GRM7: variants seen among roughly 807,000 people sequenced by gnomAD.
The protein encoded by GRM7 is glutamate metabotropic receptor 7.
GRM7 carries 35 observed loss-of-function variants against 84.5 expected under a neutral mutation model. The observed-to-expected ratio is 0.41, with a 90% confidence interval of 0.32 to 0.55. GRM7 has a LOEUF of 0.55. GRM7 is among the 20% of genes least tolerant of loss of function. GRM7 has a pLI of 0.19. For synonymous variants in GRM7, 487 were observed against 455.1 expected (o/e 1.07, Z -0.89); for missense variants, 1,003 against 1,194.6 (o/e 0.84, Z 2.36).
chr3:7,700,946 A>C (rs891063026), intron 9 of GRM7, among the ~76,000 whole-genome samples: 1 of 152,232 alleles, frequency 6.6e-6, no homozygotes, highest in African/African-American at 2.4e-5. Context: ...TTTCTTCTTC[A>C]AGACAGTTGT....
intron 8 of GRM7, among the ~76,000 whole-genome samples, chr3:7,623,745 T>C (rs1697475394): frequency 1.3e-5 from 2 of 152,154 alleles, no homozygotes; most frequent in Admixed American, 1.3e-4. Flanking sequence ...CATAATCAGA[T>C]GTGCACTAGT....
At chr3:7,531,318 C>G (rs1242831004) in intron 7 of GRM7, among the ~76,000 whole-genome samples, 1 of 152,076 alleles carries the variant, frequency 6.6e-6, no homozygotes, top group African/African-American at 2.4e-5. Flanking sequence ...TGTTTTGGTA[C>G]CAGTACCATG....
chr3:7,291,354 T>C (rs1699613391), intron 2 of GRM7, among the ~76,000 whole-genome samples: 1 of 152,164 alleles, frequency 6.6e-6, no homozygotes, highest in Non-Finnish European at 1.5e-5. Flanking sequence ...CATCAGGGAC[T>C]CTGGTTCTCT....
chr3:7,170,442 C>T (rs544583574), intron 2 of GRM7, among the ~76,000 whole-genome samples: 4 of 152,260 alleles, frequency 2.6e-5, no homozygotes, highest in African/African-American at 9.6e-5. Context: ...ATTGATGCCA[C>T]TTCTTAGGAT....
Position 7,432,957 on chromosome 3 carries a change from C to A in GRM7, c.1174+17794C>A, listed in dbSNP as rs78770456. On this transcript the variant is annotated intron_variant, in intron 5 of 9. Coordinates refer to ENST00000357716, the MANE Select transcript of GRM7 (RefSeq NM_000844.4). ...GAATGGAAAAGAAGGAATTTATAAA[C>A]AGATAATGACTGAAGAATTTTCACA... Among the ~76,000 whole-genome samples, 632 of 152,110 alleles carry A rather than the reference C, an allele frequency of 4.2e-3. 3 individuals are homozygous for A. Among genetic ancestry groups the A allele is most frequent in the South Asian group, 7.3e-3 (35 of 4,818 alleles).
chr3:7,276,097 T>G (rs7622599), intron 2 of GRM7, among the ~76,000 whole-genome samples: 4,354 of 152,164 alleles, frequency 0.029, 201 homozygotes, highest in African/African-American at 0.098. Flanking sequence ...CTGTTGGTAT[T>G]TCATTATTCT....
intron 2 of GRM7, among the ~76,000 whole-genome samples, chr3:7,210,282 T>C (rs749360040): frequency 2.6e-4 from 40 of 152,232 alleles, no homozygotes; most frequent in Non-Finnish European, 5.3e-4. Context: ...AGTTCCCATC[T>C]ATTAGCTACA....
At chr3:7,196,863 C>G (rs1178895748) in intron 2 of GRM7, among the ~76,000 whole-genome samples, 9 of 152,112 alleles carry the variant, frequency 5.9e-5, no homozygotes, top group Non-Finnish European at 1.3e-4. Flanking sequence ...ACTGTGTTCA[C>G]TTTATGTCAG....
chr3:6,985,735 T>C (rs1694383818), intron 1 of GRM7, among the ~76,000 whole-genome samples: 1 of 152,214 alleles, frequency 6.6e-6, no homozygotes, highest in Non-Finnish European at 1.5e-5. Context: ...AGGATGATAA[T>C]ACTGGCTGAA....
At chr3:7,260,159 T>C (rs1698367310) in intron 2 of GRM7, among the ~76,000 whole-genome samples, 2 of 152,062 alleles carry the variant, frequency 1.3e-5, no homozygotes, top group Non-Finnish European at 2.9e-5. Flanking sequence ...TGTAAATTTA[T>C]GTAAGTTCCT....
intron 7 of GRM7, among the ~76,000 whole-genome samples, chr3:7,547,542 T>A (rs1040393452): frequency 1.9e-4 from 29 of 152,268 alleles, no homozygotes; most frequent in African/African-American, 6.5e-4. Context: ...TGCTAAACTT[T>A]GGGGCACGTA....
chr3:7,071,620 C>G (rs1697886826), intron 1 of GRM7, among the ~76,000 whole-genome samples: 1 of 152,018 alleles, frequency 6.6e-6, no homozygotes, highest in Non-Finnish European at 1.5e-5. Flanking sequence ...CCAAAGGAAC[C>G]ATAAAACAAG....
At chr3:6,951,077 G>A (rs1692737004) in intron 1 of GRM7, among the ~76,000 whole-genome samples, 1 of 152,140 alleles carries the variant, frequency 6.6e-6, no homozygotes, top group African/African-American at 2.4e-5. Context: ...ACTCCCCAGT[G>A]AGATGAACCC....
chr3:7,031,545 T>G (rs1449500203), intron 1 of GRM7, among the ~76,000 whole-genome samples: 2 of 151,828 alleles, frequency 1.3e-5, no homozygotes, highest in Non-Finnish European at 2.9e-5. Context: ...GCCTCCCGAG[T>G]AGCTGGGACT....
chr3:7,169,802 C>T (rs1019531268), intron 2 of GRM7, among the ~76,000 whole-genome samples: 1 of 151,796 alleles, frequency 6.6e-6, no homozygotes, highest in East Asian at 1.9e-4. Context: ...AGCAATTGTA[C>T]CAGCCTGAGC....
chr3:6,887,709 A>C lies in GRM7; in HGVS notation c.519+25802A>C, dbSNP rs561563804. On this transcript the variant is annotated intron_variant, in intron 1 of 9. Coordinates refer to ENST00000357716, the MANE Select transcript of GRM7 (RefSeq NM_000844.4). ...TAAACATACGTGTGCATGTGTTTTT[A>C]TAGCAGCAGGATTTATAGTCCTTTG... Among the ~76,000 whole-genome samples the C allele has an allele frequency of 1.6e-4, 25 of 152,274 alleles. No homozygotes were observed. In the South Asian group the frequency reaches 2.3e-3, roughly 14 times the overall value.
chr3:7,469,001 A>G (rs73015579), intron 7 of GRM7, among the ~76,000 whole-genome samples: 11,378 of 152,260 alleles, frequency 0.075, 571 homozygotes, highest in Non-Finnish European at 0.096. Flanking sequence ...CAAAACGTCA[A>G]TTACTAGCAT....
intron 4 of GRM7, among the ~76,000 whole-genome samples, chr3:7,364,994 T>G (rs2125109772): frequency 6.6e-6 from 1 of 151,974 alleles, no homozygotes; most frequent in African/African-American, 2.4e-5. Context: ...AGGTGGCAAC[T>G]TTTGTCTAAA....
chr3:7,586,361 A>G (rs557306636), intron 8 of GRM7, among the ~76,000 whole-genome samples: 1 of 151,892 alleles, frequency 6.6e-6, no homozygotes. Context: ...TAGTGTATTC[A>G]TGTAAAGACT....
Sources: allele counts gnomAD v4.1 joint callset (sites outside exome capture counted in the v4.1 genomes callset), GRCh38; gene constraint gnomAD v4.1.1; transcripts MANE v1.5; gene names NCBI Gene and HGNC (gene_info 2026-07-23, HGNC 2026-07-21).